Variants in RBFOX1 observed in about 807,000 individuals in gnomAD.
RBFOX1 encodes the protein RNA binding fox-1 homolog 1.
A neutral mutation model predicts 57.7 loss-of-function variants in RBFOX1; 8 were observed. The ratio of observed to expected loss-of-function variants is 0.14; its 90% confidence interval spans 0.08 to 0.25. The LOEUF (loss-of-function observed/expected upper bound fraction) is 0.25, where lower values mean the gene tolerates loss of function less well. RBFOX1 is among the 10% of genes least tolerant of loss of function. The probability of loss-of-function intolerance (pLI) is 1.00; values close to 1 mark genes in which losing one functional copy is unlikely to be tolerated. For missense variants in RBFOX1, 611 were observed against 548.5 expected (o/e 1.11, Z -1.14); for synonymous variants, 326 against 222.4 (o/e 1.47, Z -4.15).
intron 3 of RBFOX1, among the ~76,000 whole-genome samples, chr16:6,958,301 C>G (rs997429711): frequency 8.5e-5 from 13 of 152,190 alleles, no homozygotes; most frequent in African/African-American, 2.9e-4. Context: ...TTCCAACACA[C>G]TCTATTCAAA....
At chr16:6,962,437 G>A (rs1568106181) in intron 3 of RBFOX1, among the ~76,000 whole-genome samples, 1 of 152,102 alleles carries the variant, frequency 6.6e-6, no homozygotes, top group Admixed American at 6.5e-5. Context: ...AACTTTTTCT[G>A]TTACATATAT....
At chr16:6,366,392 A>G (rs982361951) in intron 2 of RBFOX1, among the ~76,000 whole-genome samples, 4 of 152,104 alleles carry the variant, frequency 2.6e-5, no homozygotes, top group Non-Finnish European at 1.5e-5. Context: ...TTCCTCTGAC[A>G]TTTCTCACAT....
In RBFOX1 at chr16:7,520,531, G is replaced by C. The variant is rs899361758; in HGVS notation, c.270+2142G>C. On this transcript the variant is annotated intron_variant, in intron 5 of 15. Transcript: ENST00000550418. ...CGATGTTGTCTAGGTTCATTCATGT[G>C]GAGTACCCCACTGTATGGATAGACC... is the stretch of plus-strand genomic sequence containing the variant. Among the ~76,000 whole-genome samples, 8 of 152,154 alleles carry C rather than the reference G, an allele frequency of 5.3e-5. No homozygotes were observed. In the East Asian group the frequency reaches 1.5e-3, roughly 29 times the overall value.
intron 1 of RBFOX1, among the ~76,000 whole-genome samples, chr16:6,226,087 C>T (rs2097415032): frequency 6.6e-6 from 1 of 151,558 alleles, no homozygotes; most frequent in African/African-American, 2.4e-5. Flanking sequence ...AGGCCTGGTG[C>T]AGTGGCTCAT....
In RBFOX1 at chr16:6,595,034, G is replaced by A. The variant is rs113366459; in HGVS notation, c.-63-59569G>A. Among the ~76,000 whole-genome samples, 149 of 152,222 alleles carry A rather than the reference G, an allele frequency of 9.8e-4. 1 individual carries two copies. The highest frequency in any genetic ancestry group is 3.1e-3 in the African/African-American group (127 of 41,542). ...GGTCTTCTGAGCTCGTTATCCACCC[G>A]CCTCTGCCTCCCAAAGTGCTGGGAT... On this transcript the variant is annotated intron_variant, in intron 2 of 15. Coordinates refer to ENST00000550418, the MANE Select transcript of RBFOX1 (RefSeq NM_018723.4).
intron 1 of RBFOX1, among the ~76,000 whole-genome samples, chr16:5,354,867 AG>A (rs2065348298): frequency 6.6e-6 from 1 of 152,098 alleles, no homozygotes; most frequent in African/African-American, 2.4e-5. Context: ...GCAGCTGTGG[AG>A]GGTGTTGGCT....
At chr16:7,117,835 A>T (rs552220378) in intron 4 of RBFOX1, among the ~76,000 whole-genome samples, 1 of 152,146 alleles carries the variant, frequency 6.6e-6, no homozygotes, top group Non-Finnish European at 1.5e-5. Context: ...TCTGCTTTCA[A>T]GCTCCCTCAG....
At chr16:6,196,139 A>G (rs2097178433) in intron 1 of RBFOX1, among the ~76,000 whole-genome samples, 1 of 152,320 alleles carries the variant, frequency 6.6e-6, no homozygotes, top group Non-Finnish European at 1.5e-5. Flanking sequence ...AAATAGTTCT[A>G]CAAGTTAGGC....
chr16:5,600,355 G>T (rs974909178), downstream of RBFOX1, among the ~76,000 whole-genome samples: 1 of 151,262 alleles, frequency 6.6e-6, no homozygotes, highest in Non-Finnish European at 1.5e-5. Context: ...GCGTGGTGTT[G>T]TGCGCCTGCA....
At chr16:6,188,453 A>G (rs1456227426) in intron 1 of RBFOX1, among the ~76,000 whole-genome samples, 2 of 151,144 alleles carry the variant, frequency 1.3e-5, no homozygotes, top group East Asian at 1.9e-4. Context: ...AACATAAAAT[A>G]CAGTGTTCGT....
At chr16:5,739,976 C>A (rs968533605) in intron 3 of RBFOX1, among the ~76,000 whole-genome samples, 8 of 152,134 alleles carry the variant, frequency 5.3e-5, no homozygotes, top group Admixed American at 6.6e-5. Flanking sequence ...GCTGAGGAGC[C>A]CTGGGGAGGG....
chr16:7,082,123 G>T (rs2059292882), intron 4 of RBFOX1, among the ~76,000 whole-genome samples: 1 of 152,082 alleles, frequency 6.6e-6, no homozygotes, highest in African/African-American at 2.4e-5. Flanking sequence ...TCACTCCTTG[G>T]TATCCTAATT....
chr16:7,352,319 A>G (rs968413136), intron 4 of RBFOX1, among the ~76,000 whole-genome samples: 2 of 151,792 alleles, frequency 1.3e-5, no homozygotes, highest in Non-Finnish European at 2.9e-5. Flanking sequence ...CTGTCCTTCC[A>G]CTCTGGGCCT....
intron 3 of RBFOX1, among the ~76,000 whole-genome samples, chr16:6,955,774 G>C (rs917556051): frequency 7.9e-5 from 12 of 151,886 alleles, no homozygotes; most frequent in East Asian, 1.9e-4. Flanking sequence ...CGCTATCTTG[G>C]GGCTCACTGC....
At chr16:5,598,502 T>C (rs1839768064) in intron 2 of RBFOX1, among the ~76,000 whole-genome samples, 1 of 152,222 alleles carries the variant, frequency 6.6e-6, no homozygotes, top group Admixed American at 6.5e-5. Context: ...AGTCTTAATA[T>C]ATTTACATTT....
chr16:5,835,923 C>T (rs1329789964), intron 3 of RBFOX1, among the ~76,000 whole-genome samples: 3 of 152,112 alleles, frequency 2.0e-5, no homozygotes, highest in Admixed American at 6.5e-5. Flanking sequence ...TTGCACCCGC[C>T]GCCCATGAGT....
intron 4 of RBFOX1, among the ~76,000 whole-genome samples, chr16:7,498,091 C>G (rs1470687188): frequency 6.6e-6 from 1 of 152,140 alleles, no homozygotes; most frequent in East Asian, 1.9e-4. Context: ...CCGAAGCAGC[C>G]TTCTGTGAAG....
intron 2 of RBFOX1, among the ~76,000 whole-genome samples, chr16:5,546,867 G>C (rs1397898045): frequency 6.6e-6 from 1 of 152,092 alleles, no homozygotes; most frequent in Non-Finnish European, 1.5e-5. Context: ...ATCTGATAAA[G>C]GACTTATGTG....
chr16:7,618,016 A>T (rs937005230), intron 10 of RBFOX1, among the ~76,000 whole-genome samples: 22 of 151,592 alleles, frequency 1.5e-4, no homozygotes, highest in African/African-American at 5.1e-4. Flanking sequence ...TTAAAAAAAA[A>T]ATACACATGC....
Sources: gnomAD v4.1 joint callset for allele counts (sites outside exome capture counted in the v4.1 genomes callset) on GRCh38, gnomAD v4.1.1 for gene constraint, MANE v1.5 for transcripts, NCBI Gene and HGNC (gene_info 2026-07-23, HGNC 2026-07-21) for gene names.